GALNTL6: variants seen among roughly 807,000 people sequenced by gnomAD.
GALNTL6 encodes polypeptide N-acetylgalactosaminyltransferase-like 6.
A neutral mutation model predicts 73.7 loss-of-function variants in GALNTL6; 46 were observed. The ratio of observed to expected loss-of-function variants is 0.62; its 90% CI spans 0.49 to 0.80. The LOEUF (loss-of-function observed/expected upper bound fraction) is 0.80, where lower values mean the gene tolerates loss of function less well. Among genes scored for constraint, GALNTL6 ranks in the 30% least tolerant of loss-of-function variants. The pLI is 0.00. For synonymous variants in GALNTL6, 259 were observed against 263.7 expected (o/e 0.98, Z 0.17); for missense variants, 604 against 755.0 (o/e 0.80, Z 2.34).
At position 171,972,604 on chromosome 4, in the gene GALNTL6, C is replaced by A. The variant is rs980635322; in HGVS notation, c.138+157886C>A. On this transcript the variant is annotated intron_variant, in intron 2 of 12. Coordinates refer to ENST00000506823, the MANE Select transcript of GALNTL6 (RefSeq NM_001034845.3). ...TTTTTTAAACTATATTTATTTCAAA[C>A]TTTGAAATTTTAAAAAGCAAAATAC... Among the ~76,000 whole-genome samples the A allele has an allele frequency of 3.3e-5, 5 of 151,762 alleles. No homozygotes were observed. In the South Asian group the frequency reaches 6.2e-4, roughly 19 times the overall value.
chr4:172,115,163 A>T (rs1732952887), intron 2 of GALNTL6, among the ~76,000 whole-genome samples: 1 of 152,106 alleles, frequency 6.6e-6, no homozygotes, highest in Admixed American at 6.6e-5. Context: ...TGTTACATAG[A>T]AACATTTAAA....
intron 8 of GALNTL6, among the ~76,000 whole-genome samples, chr4:172,921,679 C>A (rs1747796421): frequency 6.6e-6 from 1 of 151,350 alleles, no homozygotes; most frequent in Admixed American, 6.6e-5. Flanking sequence ...TCTATAATCC[C>A]AGCTATTTGG....
intron 3 of GALNTL6, among the ~76,000 whole-genome samples, chr4:172,267,173 A>C (rs896856745): frequency 6.6e-6 from 1 of 152,120 alleles, no homozygotes; most frequent in Admixed American, 6.6e-5. Flanking sequence ...CCTGCCTTCA[A>C]ATAGACTTGT....
intron 5 of GALNTL6, among the ~76,000 whole-genome samples, chr4:172,497,153 A>G (rs6553634): frequency 0.19 from 29,405 of 152,140 alleles, 3,387 homozygotes; most frequent in African/African-American, 0.31. Flanking sequence ...GGTCATTGTA[A>G]GAGGGATTTA....
chr4:172,419,441 C>A (rs1222255162), intron 5 of GALNTL6, among the ~76,000 whole-genome samples: 1 of 152,116 alleles, frequency 6.6e-6, no homozygotes, highest in Non-Finnish European at 1.5e-5. Flanking sequence ...TGGATATTTT[C>A]GATTTCTTTC....
chr4:172,832,786 C>T (rs1170998274), intron 7 of GALNTL6, among the ~76,000 whole-genome samples: 1 of 152,152 alleles, frequency 6.6e-6, no homozygotes, highest in Non-Finnish European at 1.5e-5. Context: ...CTCTGTCTCT[C>T]GTCTCTCTCT....
chr4:172,927,571 T>A (rs1433824212), intron 8 of GALNTL6, among the ~76,000 whole-genome samples: 3 of 152,004 alleles, frequency 2.0e-5, no homozygotes, highest in African/African-American at 7.2e-5. Flanking sequence ...TTCTGCTCTG[T>A]GATATATGGA....
At chr4:171,852,490 T>C (rs1168251188) in intron 2 of GALNTL6, among the ~76,000 whole-genome samples, 1 of 150,498 alleles carries the variant, frequency 6.6e-6, no homozygotes, top group African/African-American at 2.4e-5. Flanking sequence ...TTCAAAAGCA[T>C]TTATCGCTGT....
chr4:172,382,177 A>G (rs1263483298), intron 5 of GALNTL6, among the ~76,000 whole-genome samples: 1 of 152,020 alleles, frequency 6.6e-6, no homozygotes, highest in Non-Finnish European at 1.5e-5. Context: ...CCATTTTGGC[A>G]AGGCTGGTCT....
chr4:171,962,245 A>G (rs974470255), intron 2 of GALNTL6, among the ~76,000 whole-genome samples: 1 of 152,176 alleles, frequency 6.6e-6, no homozygotes, highest in African/African-American at 2.4e-5. Flanking sequence ...AAGCATTTGA[A>G]CAAGATCAAC....
At chr4:171,983,055 C>T (rs1739953216) in intron 2 of GALNTL6, among the ~76,000 whole-genome samples, 1 of 152,042 alleles carries the variant, frequency 6.6e-6, no homozygotes, top group African/African-American at 2.4e-5. Flanking sequence ...ACCGAAAAAC[C>T]CTTTTGAAAA....
intron 5 of GALNTL6, among the ~76,000 whole-genome samples, chr4:172,715,441 T>C (rs1204202116): frequency 6.6e-6 from 1 of 152,196 alleles, no homozygotes; most frequent in Non-Finnish European, 1.5e-5. Flanking sequence ...CAGGCAGAGA[T>C]ACTAAACTAA....
At chr4:171,902,995 A>T (rs954347918) in intron 2 of GALNTL6, among the ~76,000 whole-genome samples, 1 of 152,140 alleles carries the variant, frequency 6.6e-6, no homozygotes, top group Non-Finnish European at 1.5e-5. Context: ...TCTTCATTAC[A>T]ATCATTACAG....
At chr4:172,479,963 A>C (rs1733383750) in intron 5 of GALNTL6, among the ~76,000 whole-genome samples, 2 of 152,124 alleles carry the variant, frequency 1.3e-5, no homozygotes, top group South Asian at 4.1e-4. Context: ...TCATAGCAAA[A>C]CACCCCTCAT....
At chr4:172,714,268 T>G (rs2111334777) in intron 5 of GALNTL6, among the ~76,000 whole-genome samples, 1 of 151,790 alleles carries the variant, frequency 6.6e-6, no homozygotes, top group Non-Finnish European at 1.5e-5. Context: ...TGTCTTTCAC[T>G]GTCTCAGTTA....
intron 3 of GALNTL6, among the ~76,000 whole-genome samples, chr4:172,294,906 TACA>T (rs1421324760): frequency 6.6e-6 from 1 of 152,214 alleles, no homozygotes; most frequent in Non-Finnish European, 1.5e-5. Flanking sequence ...AAAATTTCTA[TACA>T]ACATGTATAT....
chr4:172,273,643 A>G (rs1036941582), intron 3 of GALNTL6, among the ~76,000 whole-genome samples: 1 of 152,136 alleles, frequency 6.6e-6, no homozygotes, highest in Admixed American at 6.6e-5. Flanking sequence ...GTTAGCTAGG[A>G]GGAGTTGCAG....
chr4:172,935,522 G>T (rs780429740), intron 9 of GALNTL6, among the ~76,000 whole-genome samples: 2 of 151,920 alleles, frequency 1.3e-5, no homozygotes, highest in Non-Finnish European at 2.9e-5. Context: ...CAACAAAATA[G>T]GTAGACTGCT....
rs1454510503 is a variant in GALNTL6 at position 172,069,702 on chromosome 4, G to T, written c.139-159954G>T. On this transcript the variant is annotated intron_variant, in intron 2 of 12. Transcript: ENST00000506823. The stretch of plus-strand genomic sequence containing the variant: ...CTGCAGGAACAAGTAAGCCATAAAT[G>T]GTGCTAGACACCTCATCCACAAAAT... Among the ~76,000 whole-genome samples, 4 of 97,920 alleles carry T rather than the reference G, an allele frequency of 4.1e-5. No individual in the cohort carries two copies. The East Asian group carries it at 8.9e-4, about 22-fold the overall frequency. The allele number at this position is 97,920 out of a possible 152,430, so 64.2% of individuals were successfully genotyped here. A position where few individuals can be genotyped will look rare whatever the true frequency, so the allele number is the denominator to read the frequency against.
Sources: allele counts gnomAD v4.1 joint callset (sites outside exome capture counted in the v4.1 genomes callset), GRCh38; gene constraint gnomAD v4.1.1; transcripts MANE v1.5; gene names NCBI Gene and HGNC (gene_info 2026-07-23, HGNC 2026-07-21).